The following LRMDA variants were observed in gnomAD, a reference collection of about 807,000 sequenced individuals.
LRMDA encodes leucine-rich melanocyte differentiation-associated protein.
LRMDA carries 18 observed loss-of-function variants against 29.8 expected under a neutral mutation model. That is an observed-to-expected ratio of 0.60 (90% confidence interval 0.42 to 0.90). The LOEUF (loss-of-function observed/expected upper bound fraction) is 0.90. LRMDA is among the 40% of genes least tolerant of loss of function. The pLI, the probability that LRMDA is intolerant of heterozygous loss-of-function variation, is 0.00. For missense variants in LRMDA, 273 were observed against 273.9 expected (o/e 1.00, Z 0.02); for synonymous variants, 125 against 109.4 (o/e 1.14, Z -0.89).
intron 2 of LRMDA, among the ~76,000 whole-genome samples, chr10:76,017,742 A>T (rs1249772716): frequency 6.6e-6 from 1 of 152,188 alleles, no homozygotes; most frequent in Non-Finnish European, 1.5e-5. Flanking sequence ...GTTGGGGCAG[A>T]TCTGAAATCT....
chr10:75,461,860 G>C (rs546369552), intron 2 of LRMDA, among the ~76,000 whole-genome samples: 19 of 152,340 alleles, frequency 1.2e-4, no homozygotes, highest in East Asian at 9.6e-4. Context: ...TTTGTCGAAG[G>C]GGGCATTGGC....
At chr10:75,896,605 T>C (rs566007497) in intron 2 of LRMDA, among the ~76,000 whole-genome samples, 1 of 152,242 alleles carries the variant, frequency 6.6e-6, no homozygotes, top group East Asian at 1.9e-4. Context: ...CCTCAAAACA[T>C]AGATTCATGA....
chr10:75,464,521 A>G (rs564324500), intron 2 of LRMDA, among the ~76,000 whole-genome samples: 13 of 152,354 alleles, frequency 8.5e-5, no homozygotes, highest in African/African-American at 3.1e-4. Flanking sequence ...AAGAGGAGCA[A>G]TAAGGCTCTG....
At chr10:75,707,986 G>C (rs959009160) in intron 2 of LRMDA, among the ~76,000 whole-genome samples, 1 of 152,092 alleles carries the variant, frequency 6.6e-6, no homozygotes, top group African/African-American at 2.4e-5. Flanking sequence ...TAGTTCCTGG[G>C]TCCTGCTTGT....
intron 2 of LRMDA, among the ~76,000 whole-genome samples, chr10:75,597,152 A>G (rs1175765319): frequency 6.6e-6 from 1 of 152,138 alleles, no homozygotes; most frequent in Non-Finnish European, 1.5e-5. Flanking sequence ...CCTAAAAATC[A>G]TCTCCAAATT....
intron 5 of LRMDA, among the ~76,000 whole-genome samples, chr10:76,144,903 GTGT>G (rs1198988370): frequency 6.6e-6 from 1 of 152,140 alleles, no homozygotes; most frequent in Non-Finnish European, 1.5e-5. Flanking sequence ...TTAGCATGAA[GTGT>G]TGTTGAATTT....
At chr10:76,077,992 ATTTTTTTTTTTTTTT>A (rs756023731) in intron 5 of LRMDA, among the ~76,000 whole-genome samples, 23 of 48,082 alleles carry the variant, frequency 4.8e-4, no homozygotes, top group East Asian at 1.2e-3. Flanking sequence ...CAATATTAAC[ATTTTTTTTTTTTTTT>A]TTTTTTTTTT....
At chr10:75,776,525 TTTCCCA>T (rs1478018249) in intron 2 of LRMDA, among the ~76,000 whole-genome samples, 1 of 152,240 alleles carries the variant, frequency 6.6e-6, no homozygotes, top group East Asian at 1.9e-4. Flanking sequence ...TTGGGGATTA[TTTCCCA>T]TTCCATGTTT....
intron 2 of LRMDA, among the ~76,000 whole-genome samples, chr10:75,665,861 T>C (rs1841815549): frequency 6.6e-6 from 1 of 152,190 alleles, no homozygotes. Context: ...GCAAATGAAT[T>C]GTGTGCCCTG....
At chr10:75,506,333 T>C (rs1217165955) in intron 2 of LRMDA, among the ~76,000 whole-genome samples, 1 of 152,244 alleles carries the variant, frequency 6.6e-6, no homozygotes, top group Admixed American at 6.5e-5. Flanking sequence ...GTCTGATTTC[T>C]CTAAGTCACT....
intron 2 of LRMDA, among the ~76,000 whole-genome samples, chr10:75,843,790 T>G (rs1013971846): frequency 6.6e-6 from 1 of 152,062 alleles, no homozygotes; most frequent in African/African-American, 2.4e-5. Flanking sequence ...GTTATACTGG[T>G]GAAAAGGTAA....
At chr10:75,697,850 T>TGTGTGTGTGTGTGTGCACGC (rs10664076) in intron 2 of LRMDA, among the ~76,000 whole-genome samples, 1 of 151,704 alleles carries the variant, frequency 6.6e-6, no homozygotes, top group Non-Finnish European at 1.5e-5. Flanking sequence ...TGTGTGTGTG[T>TGTGTGTGTGTGTGTGCACGC]GCGTGTGTGT....
chr10:76,309,821 C>T (rs1564719357), intron 5 of LRMDA, among the ~76,000 whole-genome samples: 1 of 152,156 alleles, frequency 6.6e-6, no homozygotes, highest in African/African-American at 2.4e-5. Flanking sequence ...AACAAGCCAG[C>T]GCATTACTGA....
chr10:75,530,303 T>C (rs770803218), intron 2 of LRMDA, among the ~76,000 whole-genome samples: 1 of 151,638 alleles, frequency 6.6e-6, no homozygotes, highest in Non-Finnish European at 1.5e-5. Context: ...ATGAGAATGA[T>C]GGATGGGAAT....
At chr10:76,231,670 C>A (rs982074804) in intron 5 of LRMDA, among the ~76,000 whole-genome samples, 3 of 152,100 alleles carry the variant, frequency 2.0e-5, no homozygotes, top group Admixed American at 6.5e-5. Context: ...GAAGTTTATG[C>A]AAAGTAATAA....
intron 1 of LRMDA, among the ~76,000 whole-genome samples, chr10:75,437,610 C>T (rs1017750620): frequency 6.6e-6 from 1 of 152,222 alleles, no homozygotes; most frequent in African/African-American, 2.4e-5. Context: ...AGAAAGTCCA[C>T]TGACCTTCTC....
At chr10:75,671,474 A>G (rs1841890586) in intron 2 of LRMDA, among the ~76,000 whole-genome samples, 2 of 152,158 alleles carry the variant, frequency 1.3e-5, no homozygotes, top group South Asian at 4.1e-4. Context: ...GAATCAGTCC[A>G]TGTCCTTTGC....
At chr10:75,821,683 G>A (rs1844161371) in intron 2 of LRMDA, among the ~76,000 whole-genome samples, 1 of 151,982 alleles carries the variant, frequency 6.6e-6, no homozygotes, top group South Asian at 2.1e-4. Context: ...GCAGGAGAAT[G>A]GTGGGAACCT....
chr10:75,983,253 G>A (rs1847205695), intron 2 of LRMDA, among the ~76,000 whole-genome samples: 2 of 152,184 alleles, frequency 1.3e-5, no homozygotes, highest in Admixed American at 1.3e-4. Context: ...TAAAACCATA[G>A]CAGGAACAAG....
Sources: gnomAD v4.1 joint callset for allele counts (sites outside exome capture counted in the v4.1 genomes callset) on GRCh38, gnomAD v4.1.1 for gene constraint, MANE v1.5 for transcripts, NCBI Gene and HGNC (gene_info 2026-07-23, HGNC 2026-07-21) for gene names.